Variants in CFAP61 observed in about 807,000 individuals in gnomAD.
The protein encoded by CFAP61 is cilia and flagella associated protein 61, also known as cilia- and flagella-associated protein 61.
In CFAP61, 107 loss-of-function variants were observed where a neutral mutation model predicts 135.6. The observed-to-expected ratio is 0.79, with a 90% CI of 0.67 to 0.93. The LOEUF is 0.93. Ranked by LOEUF, CFAP61 falls within the 40% of genes least tolerant of loss-of-function variation. The pLI, the probability that CFAP61 is intolerant of heterozygous loss-of-function variation, is 0.00. For missense variants in CFAP61, 1,507 were observed against 1,556.2 expected (o/e 0.97, Z 0.53); for synonymous variants, 575 against 578.5 (o/e 0.99, Z 0.09).
intron 2 of CFAP61, 35 bp downstream of exon 2, chr20:20,056,831 A>G (rs753059760): frequency 1.1e-5 from 18 of 1,609,862 alleles, no homozygotes; most frequent in Middle Eastern, 1.7e-4. Context: ...ATGTTCATCA[A>G]TTTTGGTTGG....
At chr20:20,193,596 A>T (rs1402448564) in intron 15 of CFAP61, among the ~76,000 whole-genome samples, 1 of 151,904 alleles carries the variant, frequency 6.6e-6, no homozygotes, top group African/African-American at 2.4e-5. Flanking sequence ...GTAGAATTCT[A>T]TTCAAATTAT....
At chr20:20,259,066 T>G (rs936867167) in intron 20 of CFAP61, among the ~76,000 whole-genome samples, 2 of 152,164 alleles carry the variant, frequency 1.3e-5, no homozygotes, top group African/African-American at 4.8e-5. Flanking sequence ...CTTGATGGCT[T>G]TTAAAAGTCA....
chr20:20,344,273 G>T (rs1424886520), intron 26 of CFAP61, among the ~76,000 whole-genome samples: 1 of 152,252 alleles, frequency 6.6e-6, no homozygotes, highest in East Asian at 1.9e-4. Flanking sequence ...CGATGGCACA[G>T]AAGAGTGGCC....
chr20:20,114,602 G>A (rs2049014657), intron 8 of CFAP61, among the ~76,000 whole-genome samples: 2 of 152,048 alleles, frequency 1.3e-5, no homozygotes, highest in South Asian at 4.1e-4. Context: ...AGTGGAATGG[G>A]CTTTTGTATA....
chr20:20,157,038 A>G (rs182225115), intron 9 of CFAP61, among the ~76,000 whole-genome samples: 15 of 152,318 alleles, frequency 9.8e-5, no homozygotes, highest in Admixed American at 3.9e-4. Flanking sequence ...TTGAAAAATA[A>G]CAAAGCTGTA....
chr20:20,209,668 A>C (rs1035858640), intron 17 of CFAP61, among the ~76,000 whole-genome samples: 1 of 152,172 alleles, frequency 6.6e-6, no homozygotes, highest in Admixed American at 6.5e-5. Context: ...ACCTCCATCA[A>C]TTCTGGGTAA....
chr20:20,187,319 G>A (rs1228953121), intron 13 of CFAP61, among the ~76,000 whole-genome samples: 1 of 152,212 alleles, frequency 6.6e-6, no homozygotes, highest in Non-Finnish European at 1.5e-5. Context: ...GCTGTCTAGG[G>A]CCCAGGGTGC....
intron 18 of CFAP61, among the ~76,000 whole-genome samples, chr20:20,240,574 C>CT (rs371680935): frequency 0.059 from 8,585 of 145,352 alleles, 270 homozygotes; most frequent in Middle Eastern, 0.086. Flanking sequence ...AGTCCGCCAT[C>CT]TTTTTTTTTT....
intron 17 of CFAP61, among the ~76,000 whole-genome samples, chr20:20,227,158 A>C (rs1267310288): frequency 6.6e-6 from 1 of 152,218 alleles, no homozygotes; most frequent in Non-Finnish European, 1.5e-5. Flanking sequence ...GTGGGAACCC[A>C]AATAAGACTT....
chr20:20,055,438 G>A (rs1415744553), intron 1 of CFAP61, among the ~76,000 whole-genome samples: 1 of 152,050 alleles, frequency 6.6e-6, no homozygotes. Flanking sequence ...CTCACTTACC[G>A]AGGGGCCCAT....
At chr20:20,335,989 A>T (rs571305991) in intron 25 of CFAP61, among the ~76,000 whole-genome samples, 83 of 152,358 alleles carry the variant, frequency 5.4e-4, no homozygotes, top group African/African-American at 1.9e-3. Flanking sequence ...CTATGTCTTC[A>T]TCTGTAAAAT....
At chr20:20,280,600 A>G (rs1012958857) in intron 22 of CFAP61, among the ~76,000 whole-genome samples, 6 of 152,204 alleles carry the variant, frequency 3.9e-5, no homozygotes, top group Admixed American at 1.3e-4. Flanking sequence ...CCATGTATCA[A>G]TAGTTCATTC....
intron 6 of CFAP61, among the ~76,000 whole-genome samples, chr20:20,087,777 A>G (rs1600548283): frequency 6.6e-6 from 1 of 152,154 alleles, no homozygotes; most frequent in Non-Finnish European, 1.5e-5. Flanking sequence ...TAGAGAGGTA[A>G]AGTACCCAAG....
At chr20:20,357,829 C>T (rs866671537) in intron 26 of CFAP61, among the ~76,000 whole-genome samples, 302 of 25,762 alleles carry the variant, frequency 0.012, no homozygotes, top group African/African-American at 0.017. Flanking sequence ...GAGGTGGTCA[C>T]AGTGTGAGGG....
intron 25 of CFAP61, among the ~76,000 whole-genome samples, chr20:20,324,693 G>A (rs564239388): frequency 6.6e-6 from 1 of 152,308 alleles, no homozygotes; most frequent in South Asian, 2.1e-4. Flanking sequence ...TAACAGGACA[G>A]AAGAGAGCTT....
chr20:20,183,587 A>C (rs2055278278), intron 13 of CFAP61, among the ~76,000 whole-genome samples: 1 of 152,216 alleles, frequency 6.6e-6, no homozygotes, highest in African/African-American at 2.4e-5. Flanking sequence ...GTAATTTTAG[A>C]TTTTTGAATA....
chr20:20,278,200 A>G (rs2053918187), intron 22 of CFAP61, among the ~76,000 whole-genome samples: 1 of 152,170 alleles, frequency 6.6e-6, no homozygotes, highest in South Asian at 2.1e-4. Context: ...TTTACAGAGA[A>G]CGCTGTGGCT....
chr20:20,253,713 T>C (rs1451354365), intron 20 of CFAP61: 1 of 359,908 alleles, frequency 2.8e-6, no homozygotes, highest in Non-Finnish European at 5.5e-6. Context: ...ATCTTTCAGA[T>C]ACTGGGTGGC....
At chr20:20,292,093 G>C (rs2055035819) in intron 24 of CFAP61, among the ~76,000 whole-genome samples, 1 of 152,174 alleles carries the variant, frequency 6.6e-6, no homozygotes, top group African/African-American at 2.4e-5. Context: ...ACAGGCTATG[G>C]GTTCTTCACC....
Sources: gnomAD v4.1 joint callset for allele counts (sites outside exome capture counted in the v4.1 genomes callset) on GRCh38, gnomAD v4.1.1 for gene constraint, MANE v1.5 for transcripts, NCBI Gene and HGNC (gene_info 2026-07-23, HGNC 2026-07-21) for gene names.